Variants in KRABD4 observed in about 807,000 individuals in gnomAD.
KRABD4 encodes the protein KRAB domain containing 4.
At chrX:46,464,380 A>G in the KRABD4 span, among the ~76,000 whole-genome samples, 2 of 112,333 alleles carry the variant, frequency 1.8e-5, no homozygotes, top group Admixed American at 9.4e-5. Flanking sequence ...GTGCATTTCA[A>G]CAAGCTCCCC....
chrX:46,469,761 C>T, the KRABD4 span, among the ~76,000 whole-genome samples: 19 of 111,928 alleles, frequency 1.7e-4, no homozygotes, highest in African/African-American at 5.8e-4. Flanking sequence ...GGGCAACATA[C>T]TTGCCTTGAT....
chrX:46,474,299 A>G, the KRABD4 span: 1 of 112,211 alleles, frequency 8.9e-6, no homozygotes, highest in African/African-American at 3.2e-5. Context: ...TTGCTGTCAC[A>G]TCTGAAACTG....
chrX:46,447,781 G>A, the KRABD4 span, among the ~76,000 whole-genome samples: 221 of 112,173 alleles, frequency 2.0e-3, 1 homozygote, highest in Middle Eastern at 4.6e-3. Context: ...CCAAAGTCAC[G>A]TAGGTAGCAA....
the KRABD4 span, among the ~76,000 whole-genome samples, chrX:46,461,450 G>A: frequency 9.0e-6 from 1 of 111,718 alleles, no homozygotes; most frequent in Admixed American, 9.4e-5. Flanking sequence ...TCCTGCTGGA[G>A]AAGCCTGCCT....
At chrX:46,447,591 G>A in the KRABD4 span, among the ~76,000 whole-genome samples, 1 of 77,285 alleles carries the variant, frequency 1.3e-5, no homozygotes, top group Non-Finnish European at 2.4e-5. Context: ...TGCTGGGGAC[G>A]AGGTTCAGGG....
the KRABD4 span, chrX:46,471,252 CCTCTTTGTGCCA>C: frequency 4.0e-6 from 4 of 1,008,200 alleles, no homozygotes; most frequent in Non-Finnish European, 5.3e-6. Flanking sequence ...TTGTAATGTC[CCTCTTTGTGCCA>C]GAAAATCCTT....
chrX:46,467,416 G>A, the KRABD4 span, among the ~76,000 whole-genome samples: 1 of 110,651 alleles, frequency 9.0e-6, no homozygotes, highest in South Asian at 3.9e-4. Flanking sequence ...TTAGCTGGGT[G>A]TGGTGGTGCA....
chrX:46,460,644 C>T, the KRABD4 span, among the ~76,000 whole-genome samples: 1 of 91,808 alleles, frequency 1.1e-5, no homozygotes, highest in African/African-American at 5.4e-5. Context: ...TTTTGAGAAA[C>T]AAGGTCTTGC....
chrX:46,448,583 C>T, the KRABD4 span: 1 of 113,340 alleles, frequency 8.8e-6, no homozygotes, highest in Non-Finnish European at 1.9e-5. Context: ...GCTGGCTCAA[C>T]TTCCAGATGC....
At chrX:46,459,073 G>T in the KRABD4 span, among the ~76,000 whole-genome samples, 1 of 111,687 alleles carries the variant, frequency 9.0e-6, no homozygotes, top group Middle Eastern at 4.6e-3. Flanking sequence ...AGCACTTTGG[G>T]AGGCCGAGGT....
the KRABD4 span, chrX:46,473,212 T>C: frequency 8.5e-7 from 1 of 1,177,405 alleles, no homozygotes; most frequent in Admixed American, 2.5e-5. Context: ...GAAAGCAAAC[T>C]TAGTTGTACA....
At chrX:46,457,183 C>CA in the KRABD4 span, 1 of 259,579 alleles carries the variant, frequency 3.9e-6, no homozygotes, top group African/African-American at 2.9e-5. Flanking sequence ...ACCTCCTTGT[C>CA]AAACTCCAAT....
the KRABD4 span, among the ~76,000 whole-genome samples, chrX:46,459,819 T>C: frequency 8.9e-6 from 1 of 112,040 alleles, no homozygotes; most frequent in Non-Finnish European, 1.9e-5. Context: ...ACAACACTTC[T>C]GACACCATAT....
chrX:46,457,297 C>A, the KRABD4 span: 1 of 160,172 alleles, frequency 6.2e-6, no homozygotes, highest in South Asian at 2.7e-4. Context: ...GAAAGATTGT[C>A]AGATTAAACT....
At chrX:46,453,098 AT>A in the KRABD4 span, among the ~76,000 whole-genome samples, 1 of 111,585 alleles carries the variant, frequency 9.0e-6, no homozygotes, top group Non-Finnish European at 1.9e-5. Context: ...TGTTGTCAAT[AT>A]TTTTCATAGT....
chrX:46,448,995 G>C, the KRABD4 span, among the ~76,000 whole-genome samples: 1 of 106,122 alleles, frequency 9.4e-6, no homozygotes, highest in African/African-American at 3.5e-5. Context: ...AATGCTTAAT[G>C]AAAGTGGGCC....
the KRABD4 span, among the ~76,000 whole-genome samples, chrX:46,469,316 A>C: frequency 8.9e-6 from 1 of 112,409 alleles, no homozygotes; most frequent in African/African-American, 3.2e-5. Context: ...CTAAATCATG[A>C]ATATGGTATA....
the KRABD4 span, among the ~76,000 whole-genome samples, chrX:46,457,623 G>GTTT: frequency 4.0e-3 from 300 of 75,245 alleles, 6 homozygotes; most frequent in African/African-American, 0.013. Context: ...GCCTTTCAGA[G>GTTT]TTTTTTTTTT....
At chrX:46,449,417 G>A in the KRABD4 span, among the ~76,000 whole-genome samples, 2 of 111,546 alleles carry the variant, frequency 1.8e-5, no homozygotes, top group African/African-American at 3.3e-5. Flanking sequence ...TCTAGGGCTC[G>A]GTTTGATAAG....
Sources: allele counts gnomAD v4.1 joint callset (sites outside exome capture counted in the v4.1 genomes callset), GRCh38; gene constraint gnomAD v4.1.1; transcripts MANE v1.5; gene names NCBI Gene and HGNC (gene_info 2026-07-23, HGNC 2026-07-21).